SCFD2: variants seen among roughly 807,000 people sequenced by gnomAD.
The protein encoded by SCFD2 is sec1 family domain-containing protein 2.
In SCFD2, 54 loss-of-function variants were observed where a neutral mutation model predicts 58.9. The ratio of observed to expected loss-of-function variants is 0.92; its 90% confidence interval spans 0.74 to 1.15. SCFD2 has a LOEUF of 1.15. Among genes scored for constraint, SCFD2 ranks in the 50% most tolerant of loss-of-function variants. SCFD2 has a pLI of 0.00. For missense variants in SCFD2, 805 were observed against 836.6 expected, an observed-to-expected ratio of 0.96 and a Z score of 0.47; for synonymous variants, 321 against 335.9, an observed-to-expected ratio of 0.96 and a Z score of 0.49.
intron 4 of SCFD2, among the ~76,000 whole-genome samples, chr4:53,241,498 T>C (rs1297407899): frequency 6.6e-6 from 1 of 152,142 alleles, no homozygotes; most frequent in Non-Finnish European, 1.5e-5. Context: ...GCCCACATCA[T>C]AGCTCCTGTG....
intron 5 of SCFD2, among the ~76,000 whole-genome samples, chr4:52,931,646 A>C (rs1719998489): frequency 6.6e-6 from 1 of 152,210 alleles, no homozygotes; most frequent in African/African-American, 2.4e-5. Context: ...TTTTTCTTTG[A>C]ATTGGGAAAA....
chr4:53,341,976 A>T (rs533968150), intron 2 of SCFD2, among the ~76,000 whole-genome samples: 1 of 152,352 alleles, frequency 6.6e-6, no homozygotes, highest in South Asian at 2.1e-4. Context: ...ATGGAAAGGA[A>T]CAACCGGTAC....
intron 5 of SCFD2, among the ~76,000 whole-genome samples, chr4:52,951,496 A>G (rs557087885): frequency 1.5e-4 from 23 of 152,328 alleles, no homozygotes; most frequent in Admixed American, 1.5e-3. Flanking sequence ...AGACTAACTT[A>G]CGATTGGAAA....
At chr4:53,275,296 TA>T (rs1240652762) in intron 3 of SCFD2, among the ~76,000 whole-genome samples, 2 of 152,194 alleles carry the variant, frequency 1.3e-5, no homozygotes, top group Non-Finnish European at 2.9e-5. Flanking sequence ...TTTGAAGAGA[TA>T]AAGAATGTTT....
intron 5 of SCFD2, among the ~76,000 whole-genome samples, chr4:53,032,399 A>T (rs1180473170): frequency 6.6e-6 from 1 of 152,200 alleles, no homozygotes; most frequent in Non-Finnish European, 1.5e-5. Flanking sequence ...CAAAATAACC[A>T]GCTAGCATCA....
chr4:53,140,392 A>AAAATATATATATATATATATAT (rs369140110), intron 5 of SCFD2, among the ~76,000 whole-genome samples: 8,640 of 96,584 alleles, frequency 0.089, 1,257 homozygotes, highest in Non-Finnish European at 0.13. Flanking sequence ...CAAAAATGCT[A>AAAATATATATATATATATATAT]ATATATATAT....
chr4:53,231,626 C>A (rs1221787633), intron 4 of SCFD2, among the ~76,000 whole-genome samples: 2 of 152,068 alleles, frequency 1.3e-5, no homozygotes, highest in Non-Finnish European at 2.9e-5. Context: ...AGGTGGGTGC[C>A]ATTAAAAACT....
chr4:53,036,949 G>T (rs550669876), intron 5 of SCFD2, among the ~76,000 whole-genome samples: 1 of 152,218 alleles, frequency 6.6e-6, no homozygotes, highest in Non-Finnish European at 1.5e-5. Flanking sequence ...GGCTGGTTTG[G>T]GGGGAAAGGG....
intron 5 of SCFD2, among the ~76,000 whole-genome samples, chr4:52,973,308 T>C (rs1239817751): frequency 6.6e-6 from 1 of 152,022 alleles, no homozygotes; most frequent in Non-Finnish European, 1.5e-5. Flanking sequence ...AAGAATCAAA[T>C]AGACACAATA....
At chr4:53,353,096 T>C (rs1298823294) in intron 1 of SCFD2, among the ~76,000 whole-genome samples, 1 of 152,178 alleles carries the variant, frequency 6.6e-6, no homozygotes, top group Non-Finnish European at 1.5e-5. Flanking sequence ...ACGGTGAGTG[T>C]TACAGTTCTT....
At chr4:53,030,711 C>T (rs748995068) in intron 5 of SCFD2, among the ~76,000 whole-genome samples, 9 of 152,166 alleles carry the variant, frequency 5.9e-5, no homozygotes, top group Non-Finnish European at 1.3e-4. Context: ...TGTGAGCCAC[C>T]ACACCCGGCC....
In SCFD2 at chr4:53,162,891, A is replaced by AAT. The variant is rs773932689; in HGVS notation, c.1312-17310_1312-17309insAT. Among the ~76,000 whole-genome samples, 535 of 152,056 alleles carry AAT rather than the reference A, an allele frequency of 3.5e-3. 2 individuals carry two copies. The highest frequency in any genetic ancestry group is 6.2e-3 in the Non-Finnish European group (422 of 67,966). Reference sequence around the variant, plus strand: ...AAAATAAAAAATAAATAAATAAATAAAAATAAAAGCTGTCTGTAGAAATGA... The same window carrying AAT: ...AAAATAAAAAATAAATAAATAAATAAATAAATAAAAGCTGTCTGTAGAAATGA... On this transcript the variant is annotated intron_variant, in intron 4 of 8. Coordinates refer to ENST00000401642, the MANE Select transcript of SCFD2 (RefSeq NM_152540.4).
chr4:53,266,059 T>A (rs1730976150), intron 4 of SCFD2, among the ~76,000 whole-genome samples: 1 of 152,192 alleles, frequency 6.6e-6, no homozygotes, highest in Admixed American at 6.5e-5. Context: ...AAAAAGCTTT[T>A]TTCTTGTGAT....
At chr4:52,950,581 T>C (rs1200173712) in intron 5 of SCFD2, 1 of 152,110 alleles carries the variant, frequency 6.6e-6, no homozygotes, top group African/African-American at 2.4e-5. Flanking sequence ...TCAGACAAGG[T>C]CATAGAGTTT....
At chr4:53,144,315 A>AATATATGTGTGT (rs1222095256) in intron 5 of SCFD2, among the ~76,000 whole-genome samples, 3 of 151,190 alleles carry the variant, frequency 2.0e-5, no homozygotes, top group Non-Finnish European at 2.9e-5. Context: ...ACACATATGT[A>AATATATGTGTGT]ATATATGTGT....
chr4:53,203,879 G>C (rs569428366), intron 4 of SCFD2, among the ~76,000 whole-genome samples: 2 of 152,088 alleles, frequency 1.3e-5, no homozygotes, highest in Non-Finnish European at 2.9e-5. Flanking sequence ...AGGAGGTTTC[G>C]TATCTGGAGA....
At chr4:52,892,700 C>T (rs763214845) in intron 7 of SCFD2, among the ~76,000 whole-genome samples, 13 of 152,214 alleles carry the variant, frequency 8.5e-5, no homozygotes, top group Non-Finnish European at 1.2e-4. Context: ...ATCCACCACA[C>T]CACTTATCTC....
chr4:53,021,462 C>A (rs943120079), intron 5 of SCFD2, among the ~76,000 whole-genome samples: 1 of 152,132 alleles, frequency 6.6e-6, no homozygotes, highest in Non-Finnish European at 1.5e-5. Flanking sequence ...ACTTGCAAAT[C>A]ATTTCCTCAA....
chr4:52,960,201 C>T (rs961959717), intron 5 of SCFD2, among the ~76,000 whole-genome samples: 7 of 152,070 alleles, frequency 4.6e-5, no homozygotes, highest in Non-Finnish European at 8.8e-5. Flanking sequence ...ACACCCAGTA[C>T]CTTATAATTT....
Sources: gnomAD v4.1 joint callset for allele counts (sites outside exome capture counted in the v4.1 genomes callset) on GRCh38, gnomAD v4.1.1 for gene constraint, MANE v1.5 for transcripts, NCBI Gene and HGNC (gene_info 2026-07-23, HGNC 2026-07-21) for gene names.